Variants in BICC1 observed in about 807,000 individuals in gnomAD.
The protein encoded by BICC1 is protein bicaudal C homolog 1.
A neutral mutation model predicts 111.0 loss-of-function variants in BICC1; 43 were observed. The ratio of observed to expected loss-of-function variants is 0.39; its 90% CI spans 0.30 to 0.50. BICC1 has a LOEUF of 0.50. Among genes scored for constraint, BICC1 ranks in the 20% least tolerant of loss-of-function variants. The pLI, the probability that BICC1 is intolerant of heterozygous loss-of-function variation, is 0.88. For missense variants in BICC1, 1,091 were observed against 1,203.2 expected (o/e 0.91, Z 1.38); for synonymous variants, 467 against 434.4 (o/e 1.07, Z -0.93).
At chr10:58,544,589 G>T (rs538760647) in intron 1 of BICC1, among the ~76,000 whole-genome samples, 1 of 152,108 alleles carries the variant, frequency 6.6e-6, no homozygotes, top group South Asian at 2.1e-4. Flanking sequence ...GAAAGAAATA[G>T]AAAAAAGTTT....
chr10:58,609,506 C>T (rs919240171), intron 1 of BICC1, among the ~76,000 whole-genome samples: 6 of 152,116 alleles, frequency 3.9e-5, no homozygotes, highest in African/African-American at 1.4e-4. Context: ...GTTTTATTGC[C>T]ACATTAAGAA....
intron 2 of BICC1, among the ~76,000 whole-genome samples, chr10:58,621,957 AAT>A (rs1436504375): frequency 7.1e-4 from 87 of 123,042 alleles, no homozygotes; most frequent in East Asian, 1.1e-3. Context: ...AATAGAATAG[AAT>A]AGAATAGAAT....
intron 3 of BICC1, among the ~76,000 whole-genome samples, chr10:58,727,114 A>C (rs1403652526): frequency 6.6e-6 from 1 of 152,100 alleles, no homozygotes; most frequent in Non-Finnish European, 1.5e-5. Flanking sequence ...AAAATGATAG[A>C]ATTTAGTGTT....
chr10:58,592,874 T>C (rs1844674466), intron 1 of BICC1, among the ~76,000 whole-genome samples: 1 of 55,968 alleles, frequency 1.8e-5, no homozygotes, highest in African/African-American at 7.4e-5. Flanking sequence ...AGACTCCGTC[T>C]CAAAAAAAAA....
chr10:58,808,572 C>A (rs1001940086), intron 17 of BICC1, among the ~76,000 whole-genome samples: 3 of 152,150 alleles, frequency 2.0e-5, no homozygotes, highest in Non-Finnish European at 4.4e-5. Context: ...GTTCTGATAA[C>A]CACCTCTGAC....
intron 17 of BICC1, among the ~76,000 whole-genome samples, chr10:58,809,232 C>T (rs1054241846): frequency 5.9e-5 from 9 of 151,700 alleles, no homozygotes; most frequent in African/African-American, 1.9e-4. Flanking sequence ...CACAGGGTTT[C>T]ACCATGTTGG....
rs1028719985 is a variant in BICC1, at chr10:58,823,732, C to G, written c.2794+3264C>G. ...TCTTCCTGAATTGTATGTTATTCCC[C>G]CGTGAGAAAATGGAGGCCGAAGATA... On this transcript the variant is annotated intron_variant, in intron 20 of 20. Transcript: ENST00000373886. The G allele has an allele frequency of 5.1e-6, 5 of 985,060 alleles. No individual in the cohort carries two copies. The African/African-American group carries it at 8.7e-5, about 17-fold the overall frequency. The allele number at this position is 985,060 out of a possible 1,614,324, so 61.0% of individuals were successfully genotyped here.
intron 3 of BICC1, among the ~76,000 whole-genome samples, chr10:58,717,171 A>G (rs1840771965): frequency 6.6e-6 from 1 of 152,220 alleles, no homozygotes; most frequent in South Asian, 2.1e-4. Flanking sequence ...TGCATGTTTT[A>G]TACTAAGTTT....
chr10:58,718,893 G>A (rs1247243216), intron 3 of BICC1, among the ~76,000 whole-genome samples: 1 of 151,996 alleles, frequency 6.6e-6, no homozygotes, highest in East Asian at 1.9e-4. Flanking sequence ...GAGTTTTCTT[G>A]GTGTAACAGA....
At position 58,601,142 on chromosome 10, in the gene BICC1, ATATAT is replaced by A. The variant is rs1564506769; in HGVS notation, c.191-19712_191-19708del. Among the ~76,000 whole-genome samples the A allele has an allele frequency of 1.4e-3, 166 of 119,516 alleles. 7 individuals carry two copies. Among genetic ancestry groups the A allele is most frequent in the African/African-American group, 3.2e-3 (110 of 34,494 alleles). The allele number at this position is 119,516 out of a possible 152,430, so 78.4% of individuals were successfully genotyped here. On this transcript the variant is annotated intron_variant, in intron 1 of 20. Transcript: ENST00000373886. The stretch of plus-strand genomic sequence containing the variant: ...TTTTTAGGCAGTCATTTTAAAACTT[ATATAT>A]ATATATATATATATATATATATATC...
At chr10:58,522,098 T>A (rs1481394279) in intron 1 of BICC1, among the ~76,000 whole-genome samples, 1 of 151,914 alleles carries the variant, frequency 6.6e-6, no homozygotes, top group Non-Finnish European at 1.5e-5. Flanking sequence ...AACTGGTATG[T>A]TGTTTATAGT....
chr10:58,780,537 C>T (rs773025541), intron 3 of BICC1, among the ~76,000 whole-genome samples: 2 of 152,096 alleles, frequency 1.3e-5, no homozygotes, highest in Non-Finnish European at 2.9e-5. Context: ...GTCTATAGCA[C>T]ATTACTCTCT....
intron 2 of BICC1, among the ~76,000 whole-genome samples, chr10:58,668,654 T>G (rs1464676666): frequency 6.6e-6 from 1 of 152,128 alleles, no homozygotes; most frequent in East Asian, 1.9e-4. Context: ...GTTGGTTTAC[T>G]CATTTGTTGA....
At chr10:58,685,854 G>A (rs746150347) in intron 2 of BICC1, among the ~76,000 whole-genome samples, 36 of 152,144 alleles carry the variant, frequency 2.4e-4, no homozygotes, top group Non-Finnish European at 4.9e-4. Flanking sequence ...GGAGCATTTA[G>A]CACATTTACA....
chr10:58,716,905 G>T (rs1439430508), intron 3 of BICC1, among the ~76,000 whole-genome samples: 1 of 151,300 alleles, frequency 6.6e-6, no homozygotes, highest in Admixed American at 6.6e-5. Flanking sequence ...CAGCAGTCTT[G>T]CCCTTTACTG....
At chr10:58,777,470 C>CTT (rs947073586) in intron 3 of BICC1, among the ~76,000 whole-genome samples, 1 of 152,084 alleles carries the variant, frequency 6.6e-6, no homozygotes, top group Admixed American at 6.5e-5. Flanking sequence ...GTTGGTAGCT[C>CTT]TTTTTTATCC....
chr10:58,636,782 T>G (rs1190173437), intron 2 of BICC1, among the ~76,000 whole-genome samples: 1 of 152,228 alleles, frequency 6.6e-6, no homozygotes, highest in Non-Finnish European at 1.5e-5. Flanking sequence ...ACAACTGAGC[T>G]TCAGTTCTCC....
intron 1 of BICC1, among the ~76,000 whole-genome samples, chr10:58,566,192 G>C (rs1483685314): frequency 2.0e-5 from 3 of 150,498 alleles, no homozygotes; most frequent in Non-Finnish European, 4.4e-5. Context: ...GTGTGTATAT[G>C]TGTGTATACA....
chr10:58,612,964 G>A (rs1845481040), intron 1 of BICC1, among the ~76,000 whole-genome samples: 1 of 152,010 alleles, frequency 6.6e-6, no homozygotes. Context: ...GTAGTTTGGG[G>A]GGATTGTAAT....
Sources: allele counts gnomAD v4.1 joint callset (sites outside exome capture counted in the v4.1 genomes callset), GRCh38; gene constraint gnomAD v4.1.1; transcripts MANE v1.5; gene names NCBI Gene and HGNC (gene_info 2026-07-23, HGNC 2026-07-21).